The following CCDC148 variants were observed in gnomAD, a reference collection of about 807,000 sequenced individuals.
CCDC148 encodes the protein coiled-coil domain-containing protein 148.
CCDC148 carries 89 observed loss-of-function variants against 85.7 expected under a neutral mutation model. That is an observed-to-expected ratio of 1.04 (90% CI 0.87 to 1.24). The LOEUF is 1.24. Ranked by LOEUF, CCDC148 falls within the 50% of genes most tolerant of loss-of-function variation. The probability of loss-of-function intolerance (pLI) is 0.00; values close to 1 mark genes in which losing one functional copy is unlikely to be tolerated. For missense variants in CCDC148, 692 were observed against 671.7 expected (o/e 1.03, Z -0.33); for synonymous variants, 230 against 213.9 (o/e 1.08, Z -0.66).
intron 8 of CCDC148, 75 bp downstream of exon 8, chr2:158,313,681 C>A: frequency 7.3e-7 from 1 of 1,360,578 alleles, no homozygotes; most frequent in Non-Finnish European, 9.9e-7. Context: ...ATTGAAAATA[C>A]ATGTACATTG....
chr2:158,337,203 G>A (rs1473223993), intron 7 of CCDC148, among the ~76,000 whole-genome samples: 1 of 152,160 alleles, frequency 6.6e-6, no homozygotes, highest in Non-Finnish European at 1.5e-5. Flanking sequence ...CCCTCTTGGG[G>A]AGTTACTAAC....
intron 9 of CCDC148, among the ~76,000 whole-genome samples, chr2:158,275,222 T>C (rs1347613771): frequency 4.6e-5 from 7 of 152,222 alleles, no homozygotes; most frequent in Non-Finnish European, 7.3e-5. Context: ...CAATGAGCTG[T>C]GTAACTTCTG....
chr2:158,200,920 T>C (rs1685922414), intron 11 of CCDC148, among the ~76,000 whole-genome samples: 1 of 152,200 alleles, frequency 6.6e-6, no homozygotes, highest in Admixed American at 6.6e-5. Flanking sequence ...ATCTATCATT[T>C]CTTCAGCATT....
At chr2:158,394,581 T>A (rs1685447418) in intron 1 of CCDC148, among the ~76,000 whole-genome samples, 1 of 152,110 alleles carries the variant, frequency 6.6e-6, no homozygotes, top group South Asian at 2.1e-4. Context: ...TCACCCTGAA[T>A]TCTTCCAAAT....
intron 9 of CCDC148, among the ~76,000 whole-genome samples, chr2:158,299,068 G>A (rs1052259529): frequency 1.3e-5 from 2 of 152,136 alleles, no homozygotes; most frequent in African/African-American, 4.8e-5. Context: ...GCCTTTTAGA[G>A]GGTAAGTCTG....
At chr2:158,217,680 A>T (rs1256775879) in intron 11 of CCDC148, among the ~76,000 whole-genome samples, 1 of 151,674 alleles carries the variant, frequency 6.6e-6, no homozygotes, top group Non-Finnish European at 1.5e-5. Flanking sequence ...CTGGGATTAT[A>T]GGCATGAGCC....
chr2:158,350,054 C>T (rs1211141697), intron 2 of CCDC148, among the ~76,000 whole-genome samples: 2 of 152,106 alleles, frequency 1.3e-5, no homozygotes, highest in Non-Finnish European at 2.9e-5. Context: ...GAATTACATT[C>T]CACTATAAAC....
intron 1 of CCDC148, among the ~76,000 whole-genome samples, chr2:158,386,516 T>C (rs904111804): frequency 6.6e-6 from 1 of 152,150 alleles, no homozygotes; most frequent in South Asian, 2.1e-4. Flanking sequence ...TTTTTTCAGC[T>C]GTAGTCTCCC....
At chr2:158,352,433 A>C (rs923097560) in intron 2 of CCDC148, among the ~76,000 whole-genome samples, 3 of 152,220 alleles carry the variant, frequency 2.0e-5, no homozygotes, top group Admixed American at 1.3e-4. Flanking sequence ...AAGAATGCAG[A>C]AGCCTCAGGA....
intron 1 of CCDC148, among the ~76,000 whole-genome samples, chr2:158,404,657 CAG>C (rs1685925326): frequency 6.6e-6 from 1 of 152,080 alleles, no homozygotes; most frequent in South Asian, 2.1e-4. Context: ...GTGCCTTTAG[CAG>C]AGATTTTATG....
intron 10 of CCDC148, among the ~76,000 whole-genome samples, chr2:158,241,430 G>T (rs1568532): frequency 0.94 from 143,401 of 152,120 alleles, 67,929 homozygotes; most frequent in Non-Finnish European, 0.99. Context: ...TTGTATATCA[G>T]TTTGTGGCCG....
chr2:158,309,164 C>A (rs1185635671), intron 9 of CCDC148, among the ~76,000 whole-genome samples: 1 of 152,166 alleles, frequency 6.6e-6, no homozygotes, highest in Non-Finnish European at 1.5e-5. Flanking sequence ...CTGATGTGCA[C>A]ATCTATGGTT....
chr2:158,396,065 C>T (rs957996473), intron 1 of CCDC148, among the ~76,000 whole-genome samples: 13 of 152,104 alleles, frequency 8.5e-5, no homozygotes, highest in Non-Finnish European at 8.8e-5. Context: ...TGTATTGTGT[C>T]ATCACTCATT....
At chr2:158,384,038 G>C (rs1443345062) in intron 1 of CCDC148, among the ~76,000 whole-genome samples, 1 of 152,122 alleles carries the variant, frequency 6.6e-6, no homozygotes, top group African/African-American at 2.4e-5. Context: ...GTTTTGGTTT[G>C]TCTGATGTTT....
At chr2:158,456,352 G>A (rs1313871166) in intron 1 of CCDC148, 63 bp downstream of exon 1, 1 of 1,541,998 alleles carries the variant, frequency 6.5e-7, no homozygotes, top group Admixed American at 1.7e-5. Flanking sequence ...ACATAAGTAG[G>A]ATTTAGGTGG....
chr2:158,400,602 A>T (rs1425053753), intron 1 of CCDC148, among the ~76,000 whole-genome samples: 2 of 152,128 alleles, frequency 1.3e-5, no homozygotes, highest in Non-Finnish European at 2.9e-5. Context: ...AACCATAAAA[A>T]CTCTAGAAGA....
At chr2:158,381,940 C>T (rs1684888741) in intron 1 of CCDC148, among the ~76,000 whole-genome samples, 1 of 152,122 alleles carries the variant, frequency 6.6e-6, no homozygotes, top group African/African-American at 2.4e-5. Flanking sequence ...AATTCATATG[C>T]TGAAACTGAA....
At chr2:158,279,493 A>G (rs546313716) in intron 9 of CCDC148, among the ~76,000 whole-genome samples, 28 of 152,370 alleles carry the variant, frequency 1.8e-4, no homozygotes, top group African/African-American at 6.7e-4. Context: ...AAGCCTCAGG[A>G]GCCGATGTGA....
intron 1 of CCDC148, among the ~76,000 whole-genome samples, chr2:158,429,444 A>AT (rs1687238060): frequency 6.6e-6 from 1 of 152,152 alleles, no homozygotes; most frequent in Non-Finnish European, 1.5e-5. Context: ...CCAAGATATA[A>AT]TGTTAAGGTA....
Sources: allele counts gnomAD v4.1 joint callset (sites outside exome capture counted in the v4.1 genomes callset), GRCh38; gene constraint gnomAD v4.1.1; transcripts MANE v1.5; gene names NCBI Gene and HGNC (gene_info 2026-07-23, HGNC 2026-07-21).